ELMO3: variants seen among roughly 807,000 people sequenced by gnomAD.
The protein encoded by ELMO3 is engulfment and cell motility 3.
In ELMO3, 81 loss-of-function variants were observed where a neutral mutation model predicts 89.0. The ratio of observed to expected loss-of-function variants is 0.91; its 90% confidence interval spans 0.76 to 1.09. The LOEUF is 1.09. Among genes scored for constraint, ELMO3 ranks in the 50% least tolerant of loss-of-function variants. ELMO3 has a pLI of 0.00. For missense variants in ELMO3, 959 were observed against 972.8 expected, an observed-to-expected ratio of 0.99 and a Z score of 0.19; for synonymous variants, 406 against 400.6, an observed-to-expected ratio of 1.01 and a Z score of -0.16.
intron 4 of ELMO3, 43 bp downstream of exon 4, chr16:67,200,044 G>C: frequency 1.3e-6 from 2 of 1,598,530 alleles, no homozygotes; most frequent in Non-Finnish European, 1.7e-6. Flanking sequence ...CTGCCCCTTT[G>C]CTCCAGGTCC....
intron 3 of ELMO3, 26 bp from the exon 4 acceptor site, chr16:67,199,925 G>A (rs752954219): frequency 1.9e-6 from 3 of 1,613,766 alleles, no homozygotes; most frequent in Admixed American, 1.7e-5. Flanking sequence ...CCCTGACCTC[G>A]CTGCCTTTTC....
Position 67,199,707 on chromosome 16 carries a change from G to A in ELMO3, c.143G>A (p.Arg48His), listed in dbSNP as rs2033052895. The A allele has an allele frequency of 3.7e-6, 6 of 1,610,930 alleles. No individual in the cohort carries two copies. In the East Asian group the frequency reaches 1.3e-4, roughly 36 times the overall value. Residue 48 changes from arginine (R) to histidine (H), a missense_variant, in exon 3 of 20, where the codon CGT becomes CAT. By Grantham distance (29) the Arg-to-His change is conservative. Transcript: ENST00000393997. ...AGGTGGAGCCTGACGCACTCTGAGCGTTACGCCCTGCAGTTTGCGGATGGG... is the reference window on the plus strand; with the variant it reads ...AGGTGGAGCCTGACGCACTCTGAGCATTACGCCCTGCAGTTTGCGGATGGG... The part of the protein sequence containing the change: ...CDAWSLTHSE[R>H]YALQFADGHR...
rs766248266 is a variant in ELMO3, at chr16:67,202,620, G to GC, written c.1399-3dup. The GC allele has an allele frequency of 6.5e-5, 105 of 1,613,066 alleles. No homozygotes were observed. Among genetic ancestry groups the GC allele is most frequent in the Admixed American group, 6.5e-4 (39 of 60,000 alleles). On this transcript the variant is annotated splice_polypyrimidine_tract_variant and splice_region_variant and intron_variant, in intron 14 of 19. Coordinates refer to ENST00000393997, the MANE Select transcript of ELMO3 (RefSeq NM_024712.5). Reference sequence around the variant, plus strand: ...TTAGGCCCTGAGCTGAGCTTGGGCGGCCCCAGGTCATGCAGGTGGTGCGGG... The same window carrying GC: ...TTAGGCCCTGAGCTGAGCTTGGGCGGCCCCCAGGTCATGCAGGTGGTGCGGG...
In ELMO3 at chr16:67,203,460, T is replaced by G; in HGVS notation, c.1864-37T>G. On this transcript the variant is annotated intron_variant, in intron 18 of 19. Transcript: ENST00000393997. The surrounding 1 kb of genome is among the most constrained non-coding windows in gnomAD (Gnocchi z 4.6). ...TTCCCACCCGCCCCCGCCTACCCTG[T>G]CCCCTGCTCAGTGTCCCCGCTCCCT... 2 of 1,595,734 alleles carry G rather than the reference T, an allele frequency of 1.3e-6. No homozygotes were observed. Among genetic ancestry groups the G allele is most frequent in the Non-Finnish European group, 1.7e-6 (2 of 1,164,288 alleles).
intron 4 of ELMO3, 21 bp from the exon 5 acceptor site, chr16:67,200,171 C>T (rs2033065545): frequency 1.2e-6 from 2 of 1,606,530 alleles, no homozygotes; most frequent in Non-Finnish European, 1.7e-6. Context: ...TTCACCTCTG[C>T]TCCTGCTCCG....
rs370559345 is a variant in ELMO3 at position 67,199,336 on chromosome 16, C to A, written c.10C>A (p.Pro4Thr). The change falls in exon 1 of 20, where the codon CCG becomes ACG. Residue 4 changes from proline to threonine, a missense_variant. Coordinates refer to ENST00000393997, the MANE Select transcript of ELMO3 (RefSeq NM_024712.5). MAPPRNVVKIAIKM... is the reference protein window; with the variant it reads MAPTRNVVKIAIKM... ...ACGTCCCAGCTGGACCATGGCGCCT[C>A]CGCGGAACGTGGTGAAGATTGCCAT... The A allele has an allele frequency of 6.2e-7, 1 of 1,611,170 alleles. No homozygotes were observed. The highest frequency in any genetic ancestry group is 1.3e-5 in the African/African-American group (1 of 74,924).
At position 67,200,449 on chromosome 16, in the gene ELMO3, A is replaced by G. The variant is rs2033074070; in HGVS notation, c.414-2A>G. On this transcript the variant is annotated splice_acceptor_variant, in intron 5 of 19. Transcript: ENST00000393997. LOFTEE classifies it high-confidence loss of function. ...GCTCAGCCCCAGATGTCCCCCCTCCAGCCTAGGAGAGGTGCTGGCCCTCAG... is the reference window on the plus strand; with the variant it reads ...GCTCAGCCCCAGATGTCCCCCCTCCGGCCTAGGAGAGGTGCTGGCCCTCAG... 3 of 1,611,830 alleles carry G rather than the reference A, an allele frequency of 1.9e-6. No homozygotes were observed. In the South Asian group the frequency reaches 3.3e-5, roughly 18 times the overall value.
chr16:67,201,212 ATTTT>A (rs753596419), intron 8 of ELMO3, among the ~76,000 whole-genome samples, 169 bp from the exon 9 acceptor site: 47 of 94,240 alleles, frequency 5.0e-4, no homozygotes, highest in African/African-American at 2.0e-3. Context: ...CGCCCAGCTG[ATTTT>A]TTTTTTTTTT....
chr16:67,201,035 T>A, intron 8 of ELMO3, 67 bp downstream of exon 8: 1 of 1,486,602 alleles, frequency 6.7e-7, no homozygotes, highest in Non-Finnish European at 9.0e-7. Flanking sequence ...TGAAGCAAAA[T>A]CCTCTAAGCC....
In ELMO3 at chr16:67,199,953, C is replaced by T. The variant is rs1380153525; in HGVS notation, c.195C>T (p.Asn65=). The T allele has an allele frequency of 1.2e-6, 2 of 1,613,856 alleles. No individual in the cohort carries two copies. The highest frequency in any genetic ancestry group is 2.2e-5 in the East Asian group (1 of 44,900). ...GCCTTTTCTGCTGTCTTCTCCAGAA[C>T]CGCGCGGAGATCAAGAATGGCAGCA... is the stretch of plus-strand genomic sequence containing the variant. ...DGHRRYITEN[N]RAEIKNGSIL... is the part of the protein sequence containing the mutation. The change falls in exon 4 of 20, where the codon AAC becomes AAT. Residue 65 remains asparagine, a splice_region_variant and synonymous_variant. Transcript: ENST00000393997.
intron 15 of ELMO3, 28 bp downstream of exon 15, chr16:67,202,818 C>T (rs889614919): frequency 1.2e-6 from 2 of 1,611,746 alleles, no homozygotes; most frequent in African/African-American, 2.7e-5. Flanking sequence ...GATCCTCAGT[C>T]CTAGCCCTAC....
chr16:67,200,849 C>A (rs1171748336), intron 7 of ELMO3, 41 bp downstream of exon 7: 1 of 1,613,628 alleles, frequency 6.2e-7, no homozygotes, highest in Non-Finnish European at 8.5e-7. Flanking sequence ...GGGAGCAGGG[C>A]TGGAGCCTGA....
Position 67,200,511 on chromosome 16 carries a change from G to C in ELMO3, c.474G>C (p.Val158=). 1.2e-6 allele frequency: 2 copies of C among 1,613,772 alleles called. No homozygotes were observed. The highest frequency in any genetic ancestry group is 1.7e-6 in the Non-Finnish European group (2 of 1,179,972). Residue 158 remains valine, a synonymous_variant, in exon 6 of 20, where the codon GTG becomes GTC. Coordinates refer to ENST00000393997, the MANE Select transcript of ELMO3 (RefSeq NM_024712.5). ...TCTCAGAGCTCATGGAGCACGGCGTGGTGTCCTGGGAGACTCTGAGCATCC... is the reference window on the plus strand; with the variant it reads ...TCTCAGAGCTCATGGAGCACGGCGTCGTGTCCTGGGAGACTCTGAGCATCC... The part of the protein sequence containing the change: ...RAFSELMEHG[V]VSWETLSIPF...
At position 67,201,633 on chromosome 16, in the gene ELMO3, C is replaced by T. The variant is rs2033113022; in HGVS notation, c.909C>T (p.Pro303=). The T allele has an allele frequency of 6.2e-7, 1 of 1,612,456 alleles. No homozygotes were observed. Among genetic ancestry groups the T allele is most frequent in the African/African-American group, 1.3e-5 (1 of 74,932 alleles). ...LEPRMRTPLD[P]YSQEQREQLQ... ...CGCGCATGCGGACGCCCCTGGACCC[C>T]TACAGCCAGGTGTGTGTCTTTGGTG... The change falls in exon 10 of 20, where the codon CCC becomes CCT. Residue 303 remains proline (P), a synonymous_variant. Transcript: ENST00000393997.
In ELMO3 at chr16:67,202,978, G is replaced by A. The variant is rs200999666; in HGVS notation, c.1649G>A (p.Arg550His). ...LLRLCEGTLF[R>H]KISSRRRQDK... ...CGCCTCTGTGAGGGGACGCTCTTCC[G>A]CAAGATCAGCAGCCGGCGGCGCCAG... The change falls in exon 16 of 20, where the codon CGC becomes CAC. Residue 550 changes from arginine (R) to histidine (H), a missense_variant. By Grantham distance (29) the Arg-to-His change is conservative (BLOSUM62 0). Transcript: ENST00000393997. 32 of 1,607,088 alleles carry A rather than the reference G, an allele frequency of 2.0e-5. No homozygotes were observed. Among genetic ancestry groups the A allele is most frequent in the Admixed American group, 3.3e-5 (2 of 60,014 alleles).
intron 1 of ELMO3, 35 bp from the exon 2 acceptor site, chr16:67,199,518 T>A (rs1413720284): frequency 1.8e-6 from 2 of 1,082,730 alleles, no homozygotes; most frequent in Non-Finnish European, 2.4e-6. Flanking sequence ...CATCCCTCCC[T>A]GCCCAGGCCG....
intron 8 of ELMO3, 114 bp from the exon 9 acceptor site, chr16:67,201,271 T>C (rs1224469594): frequency 1.6e-6 from 2 of 1,278,902 alleles, no homozygotes; most frequent in Non-Finnish European, 2.2e-6. Flanking sequence ...GTTAGCCAGG[T>C]TGGCCTCCAT....
intron 8 of ELMO3, 60 bp downstream of exon 8, chr16:67,201,028 A>G: frequency 6.5e-7 from 1 of 1,531,220 alleles, no homozygotes; most frequent in Admixed American, 2.3e-5. Flanking sequence ...CCCACCCTGA[A>G]GCAAAATCCT....
rs200756614 is a variant in ELMO3, at chr16:67,203,187, G to A, written c.1744G>A (p.Ala582Thr). 2,422 of 1,610,680 alleles carry A rather than the reference G, an allele frequency of 1.5e-3. 36 individuals carry two copies. The South Asian group carries it at 0.02, about 13-fold the overall frequency. ...GCAGTACGGAGACATGGAGGAGGGCGCCAGCCCGCCTACCCTGGAGAGTCT... is the reference window on the plus strand; with the variant it reads ...GCAGTACGGAGACATGGAGGAGGGCACCAGCCCGCCTACCCTGGAGAGTCT... ...LLQYGDMEEGASPPTLESLPE... is the reference protein window; with the variant it reads ...LLQYGDMEEGTSPPTLESLPE... Residue 582 changes from alanine (A) to threonine (T), a missense_variant, in exon 17 of 20, where the codon GCC becomes ACC. Coordinates refer to ENST00000393997, the MANE Select transcript of ELMO3 (RefSeq NM_024712.5). This position sits in a 1 kb window ranked among gnomAD's most constrained non-coding sequence, Gnocchi z 4.6.
Sources: gnomAD v4.1 joint callset for allele counts (sites outside exome capture counted in the v4.1 genomes callset) on GRCh38, gnomAD v4.1.1 for gene constraint, Gnocchi (gnomAD v3.1) non-coding constraint, MANE v1.5 for transcripts, NCBI Gene and HGNC (gene_info 2026-07-23, HGNC 2026-07-21) for gene names.